Variants in DCAKD observed in about 807,000 individuals in gnomAD.
DCAKD encodes dephospho-CoA kinase domain containing.
DCAKD carries 15 observed loss-of-function variants against 18.7 expected under a neutral mutation model. The observed-to-expected ratio is 0.80, with a 90% CI of 0.54 to 1.24. DCAKD has a LOEUF of 1.24. Among genes scored for constraint, DCAKD ranks in the 50% most tolerant of loss-of-function variants. The pLI is 0.00. For missense variants in DCAKD, 301 were observed against 322.0 expected (o/e 0.93, Z 0.50); for synonymous variants, 130 against 133.0 (o/e 0.98, Z 0.16).
intron 1 of DCAKD, among the ~76,000 whole-genome samples, chr17:45,040,466 C>T (rs1391733126): frequency 6.6e-6 from 1 of 151,522 alleles, no homozygotes. Flanking sequence ...TCTTCCTCCT[C>T]AACACCAAAA....
At chr17:45,048,974 G>A (rs1281607039) in intron 1 of DCAKD, among the ~76,000 whole-genome samples, 2 of 151,116 alleles carry the variant, frequency 1.3e-5, no homozygotes, top group Non-Finnish European at 2.9e-5. Flanking sequence ...CCCAGCTACT[G>A]GGGAAGCTAA....
intron 3 of DCAKD, among the ~76,000 whole-genome samples, chr17:45,033,369 G>C (rs1236153054): frequency 1.3e-5 from 2 of 152,110 alleles, no homozygotes; most frequent in African/African-American, 4.8e-5. Context: ...AAATGGCTCA[G>C]CCAGAACCAA....
chr17:45,034,322 T>C lies in DCAKD; in HGVS notation c.181A>G (p.Asn61Asp). Residue 61 changes from asparagine to aspartate, a missense_variant, in exon 3 of 5, where the codon AAC (asparagine) becomes GAC (aspartate). By Grantham distance (23) the Asn-to-Asp change is conservative. Coordinates refer to ENST00000651974, the MANE Select transcript of DCAKD (RefSeq NM_001288655.2). The stretch of plus-strand genomic sequence containing the variant: ...AGGACCTTGCGATTTATGTCGCCGT[T>C]CTCCAGCAAGACCTCAGTGCCGAAG... The part of the protein sequence containing the change: ...EVFGTEVLLE[N>D]GDINRKVLGD... The C allele has an allele frequency of 6.8e-6, 11 of 1,613,932 alleles. No homozygotes were observed. The highest frequency in any genetic ancestry group is 1.6e-4 in the Middle Eastern group (1 of 6,062).
chr17:45,060,518 A>AAAAAGAAAGAAAGAAAGAAAAG (rs2053838090), intron 1 of DCAKD, among the ~76,000 whole-genome samples: 1 of 152,172 alleles, frequency 6.6e-6, no homozygotes, highest in Non-Finnish European at 1.5e-5. Flanking sequence ...TTAAAAAAGA[A>AAAAAGAAAGAAAGAAAGAAAAG]AAAAGAAAGA....
At chr17:45,025,009 C>CT (rs747194341) in intron 4 of DCAKD, among the ~76,000 whole-genome samples, 25,675 of 113,262 alleles carry the variant, frequency 0.23, 3,268 homozygotes, top group South Asian at 0.28. Context: ...GGCCACAGCT[C>CT]TTTTTTTTTT....
chr17:45,048,102 T>C (rs984615938), intron 1 of DCAKD, among the ~76,000 whole-genome samples: 3 of 152,046 alleles, frequency 2.0e-5, no homozygotes, highest in African/African-American at 7.3e-5. Flanking sequence ...AATGTATTAT[T>C]ACATGGTCAG....
intron 1 of DCAKD, among the ~76,000 whole-genome samples, chr17:45,037,835 C>T (rs368849268): frequency 2.3e-3 from 345 of 148,636 alleles, no homozygotes; most frequent in African/African-American, 7.7e-3. Flanking sequence ...GGTGTGATCT[C>T]GGCTCACTGC....
At position 45,051,570 on chromosome 17, in the gene DCAKD, G is replaced by C. The variant is rs1372751947; in HGVS notation, c.-324C>G. On this transcript the variant is annotated 5_prime_UTR_variant, in exon 1 of 5. Coordinates refer to ENST00000651974, the MANE Select transcript of DCAKD (RefSeq NM_001288655.2). ...CTACGTACCCAGCGCCTCCGCCGTGGCCCAGGCCTCCGCCTCTAGCCCAAT... is the reference window on the plus strand; with the variant it reads ...CTACGTACCCAGCGCCTCCGCCGTGCCCCAGGCCTCCGCCTCTAGCCCAAT... 6.6e-6 allele frequency: 1 copy of C among 151,378 alleles called. No homozygotes were observed. Among genetic ancestry groups the C allele is most frequent in the Non-Finnish European group, 1.5e-5 (1 of 67,824 alleles). The allele number at this position is 151,378 out of a possible 1,614,324, so 9.4% of individuals were successfully genotyped here.
intron 3 of DCAKD, among the ~76,000 whole-genome samples, chr17:45,033,465 A>AT (rs1378251229): frequency 2.0e-5 from 3 of 151,586 alleles, no homozygotes; most frequent in Non-Finnish European, 2.9e-5. Flanking sequence ...CTCACGTTGG[A>AT]TTTTTTCTTT....
intron 4 of DCAKD, among the ~76,000 whole-genome samples, chr17:45,029,831 G>A (rs2053137596): frequency 6.6e-6 from 1 of 152,042 alleles, no homozygotes; most frequent in Non-Finnish European, 1.5e-5. Context: ...CAGGCATCTG[G>A]GCTGAAGTGC....
chr17:45,032,965 C>T (rs772805905), intron 3 of DCAKD, among the ~76,000 whole-genome samples: 8 of 152,168 alleles, frequency 5.3e-5, no homozygotes, highest in Non-Finnish European at 1.2e-4. Flanking sequence ...CCCAAGCCAC[C>T]GCCCTCTGTT....
chr17:45,024,536 C>A lies in DCAKD; in HGVS notation c.593G>T (p.Arg198Leu), dbSNP rs376881252. Residue 198 changes from arginine (R) to leucine (L), a missense_variant, in exon 5 of 5, where the codon CGC (arginine) becomes CTC (leucine). Coordinates refer to ENST00000651974, the MANE Select transcript of DCAKD (RefSeq NM_001288655.2). Reference protein sequence around the residue: ...QVILLHTELERSLEYLPLRFG... With the variant: ...QVILLHTELELSLEYLPLRFG... ...CCTCAGCGGCAGGTACTCCAGGGAGCGCTCCAGCTCAGTGTGCAAGAGGAT... is the reference window on the plus strand; with the variant it reads ...CCTCAGCGGCAGGTACTCCAGGGAGAGCTCCAGCTCAGTGTGCAAGAGGAT... The A allele has an allele frequency of 6.2e-7, 1 of 1,613,990 alleles. No individual in the cohort carries two copies. Among genetic ancestry groups the A allele is most frequent in the Admixed American group, 1.7e-5 (1 of 60,008 alleles).
Position 45,028,253 on chromosome 17 carries a change from C to T in DCAKD, c.404+1839G>A, listed in dbSNP as rs1393900089. Among the ~76,000 whole-genome samples the T allele has an allele frequency of 2.0e-5, 3 of 151,172 alleles. No individual in the cohort carries two copies. The South Asian group carries it at 6.3e-4, about 32-fold the overall frequency. ...CCTCCCGAGTAGCTGGGACTACAGGCGCCCACCATGATGCCCAGCTAATTT... is the reference window on the plus strand; with the variant it reads ...CCTCCCGAGTAGCTGGGACTACAGGTGCCCACCATGATGCCCAGCTAATTT... On this transcript the variant is annotated intron_variant, in intron 4 of 4. Transcript: ENST00000651974.
chr17:45,031,153 G>A, intron 3 of DCAKD: 1 of 985,416 alleles, frequency 1.0e-6, no homozygotes, highest in Non-Finnish European at 1.2e-6. Flanking sequence ...ACACTTCCAA[G>A]CACAGAACCA....
chr17:45,048,667 G>A (rs772469505), intron 1 of DCAKD, among the ~76,000 whole-genome samples: 22 of 149,132 alleles, frequency 1.5e-4, no homozygotes, highest in Non-Finnish European at 2.7e-4. Context: ...TTAGCCAGGC[G>A]TGGTGGCATG....
chr17:45,027,670 G>A (rs757315240), intron 4 of DCAKD, among the ~76,000 whole-genome samples: 4 of 151,916 alleles, frequency 2.6e-5, no homozygotes, highest in South Asian at 2.1e-4. Context: ...CTCTGCTCTC[G>A]GCAAACAGAC....
At chr17:45,052,801 T>C (rs947828195), upstream of DCAKD, among the ~76,000 whole-genome samples, 1 of 151,644 alleles carries the variant, frequency 6.6e-6, no homozygotes, top group Non-Finnish European at 1.5e-5. Flanking sequence ...AGGTCAAGGC[T>C]GCAGAGAGCC....
intron 4 of DCAKD, chr17:45,026,507 G>T: frequency 1.5e-6 from 1 of 664,810 alleles, no homozygotes; most frequent in Non-Finnish European, 1.9e-6. Context: ...TTACAGGTGT[G>T]AGCCACCGCG....
At chr17:45,032,514 G>A (rs1418349092) in intron 3 of DCAKD, among the ~76,000 whole-genome samples, 2 of 152,178 alleles carry the variant, frequency 1.3e-5, no homozygotes, top group Non-Finnish European at 2.9e-5. Context: ...GCCAGGCACA[G>A]TGGCTCACGC....
Sources: allele counts gnomAD v4.1 joint callset (sites outside exome capture counted in the v4.1 genomes callset), GRCh38; gene constraint gnomAD v4.1.1; transcripts MANE v1.5; gene names NCBI Gene and HGNC (gene_info 2026-07-23, HGNC 2026-07-21).